CRPPA: variants seen among roughly 807,000 people sequenced by gnomAD.
CRPPA encodes the protein CDP-L-ribitol pyrophosphorylase A, also known as D-ribitol-5-phosphate cytidylyltransferase.
Under a neutral mutation model 52.0 loss-of-function variants are expected in CRPPA, and 43 were observed. The ratio of observed to expected loss-of-function variants is 0.83; its 90% CI spans 0.65 to 1.07. The LOEUF is 1.07. Among genes scored for constraint, CRPPA ranks in the 50% least tolerant of loss-of-function variants. The probability of loss-of-function intolerance (pLI) is 0.00; values close to 1 mark genes in which losing one functional copy is unlikely to be tolerated. For missense variants in CRPPA, 629 were observed against 551.7 expected (o/e 1.14, Z -1.40); for synonymous variants, 250 against 203.5 (o/e 1.23, Z -1.94).
At position 16,354,706 on chromosome 7, in the gene CRPPA, G is replaced by T. The variant is rs958168749; in HGVS notation, c.684+21386C>A. On this transcript the variant is annotated intron_variant, in intron 3 of 9. Coordinates refer to ENST00000407010, the MANE Select transcript of CRPPA (RefSeq NM_001101426.4). Reference sequence around the variant, plus strand: ...CCAAAGACAACTGTGGCTAAGAAAAGGGTGTGTTTCCAAGAAAGGAATTTA... The same window carrying T: ...CCAAAGACAACTGTGGCTAAGAAAATGGTGTGTTTCCAAGAAAGGAATTTA... Among the ~76,000 whole-genome samples, 11 of 152,156 alleles carry T rather than the reference G, an allele frequency of 7.2e-5. No individual in the cohort carries two copies. In the South Asian group the frequency reaches 2.3e-3, roughly 32 times the overall value.
chr7:16,398,110 C>G (rs1040809040), intron 2 of CRPPA, among the ~76,000 whole-genome samples: 2 of 151,686 alleles, frequency 1.3e-5, no homozygotes, highest in Non-Finnish European at 2.9e-5. Context: ...ACATGACTGA[C>G]AGGTGATTGA....
chr7:16,338,798 G>A (rs1247197891), intron 3 of CRPPA, among the ~76,000 whole-genome samples: 2 of 148,590 alleles, frequency 1.3e-5, no homozygotes, highest in Admixed American at 6.9e-5. Context: ...TGGGTTCATC[G>A]TGAATTCTAG....
chr7:16,352,373 C>T (rs531040956), intron 3 of CRPPA, among the ~76,000 whole-genome samples: 34 of 151,746 alleles, frequency 2.2e-4, no homozygotes, highest in Admixed American at 4.6e-4. Flanking sequence ...AACAAACCTG[C>T]ACATTCTGCA....
chr7:16,157,276 G>A (rs1783202464), intron 9 of CRPPA, among the ~76,000 whole-genome samples: 2 of 151,068 alleles, frequency 1.3e-5, no homozygotes, highest in South Asian at 4.2e-4. Context: ...AGGAAGATAA[G>A]CAACTGGAGT....
At chr7:16,231,464 A>G (rs1295616403) in intron 8 of CRPPA, among the ~76,000 whole-genome samples, 1 of 152,182 alleles carries the variant, frequency 6.6e-6, no homozygotes, top group Non-Finnish European at 1.5e-5. Flanking sequence ...AGCAGTGCTT[A>G]TATATTATGA....
At chr7:16,327,676 A>G (rs575799124) in intron 3 of CRPPA, among the ~76,000 whole-genome samples, 39 of 151,552 alleles carry the variant, frequency 2.6e-4, no homozygotes, top group African/African-American at 9.4e-4. Flanking sequence ...TGCTCTTCCC[A>G]GGGTAAGATA....
intron 8 of CRPPA, chr7:16,247,905 G>C (rs906827567): frequency 2.0e-5 from 3 of 151,942 alleles, no homozygotes; most frequent in African/African-American, 7.3e-5. Context: ...GAACAACAGA[G>C]AGCCAGACAA....
intron 8 of CRPPA, among the ~76,000 whole-genome samples, chr7:16,227,092 A>G (rs1400243788): frequency 1.3e-5 from 2 of 151,984 alleles, no homozygotes; most frequent in East Asian, 3.9e-4. Context: ...TTCATGGCCA[A>G]AGAGTATTTA....
chr7:16,419,630 T>C (rs1055982117), intron 1 of CRPPA, among the ~76,000 whole-genome samples: 1 of 152,114 alleles, frequency 6.6e-6, no homozygotes, highest in Non-Finnish European at 1.5e-5. Flanking sequence ...AGATATTTTA[T>C]AGACCCTTCA....
chr7:16,304,736 C>T (rs779260245), intron 4 of CRPPA, among the ~76,000 whole-genome samples: 7 of 152,172 alleles, frequency 4.6e-5, no homozygotes, highest in South Asian at 2.1e-4. Flanking sequence ...TCTAGTACTA[C>T]GTGCAGTCCT....
chr7:16,200,230 A>G (rs1458449580), intron 9 of CRPPA, among the ~76,000 whole-genome samples: 5 of 152,172 alleles, frequency 3.3e-5, no homozygotes, highest in Admixed American at 2.0e-4. Context: ...ATAAACTTCA[A>G]TCACCTCTCA....
chr7:16,382,876 T>G (rs1220907630), intron 2 of CRPPA, among the ~76,000 whole-genome samples: 2 of 152,308 alleles, frequency 1.3e-5, no homozygotes, highest in Non-Finnish European at 2.9e-5. Flanking sequence ...TATTGGTTAT[T>G]CTAGTTATAC....
rs554992614 is a variant in CRPPA, at chr7:16,369,942, G to A, written c.684+6150C>T. Among the ~76,000 whole-genome samples, 5 of 152,310 alleles carry A rather than the reference G, an allele frequency of 3.3e-5. No individual in the cohort carries two copies. The East Asian group carries it at 9.7e-4, about 29-fold the overall frequency. Reference sequence around the variant, plus strand: ...GCCTCCAATCATACATCCCCACTGGGGAATCTGAAAATCCAAACCACAGCA... The same window carrying A: ...GCCTCCAATCATACATCCCCACTGGAGAATCTGAAAATCCAAACCACAGCA... On this transcript the variant is annotated intron_variant, in intron 3 of 9. Coordinates refer to ENST00000407010, the MANE Select transcript of CRPPA (RefSeq NM_001101426.4).
At chr7:16,420,379 T>C (rs551295049) in intron 1 of CRPPA, among the ~76,000 whole-genome samples, 1 of 152,248 alleles carries the variant, frequency 6.6e-6, no homozygotes, top group South Asian at 2.1e-4. Context: ...GTTAATATTA[T>C]AACATACCCC....
chr7:16,289,959 T>C (rs1469364260), intron 5 of CRPPA, among the ~76,000 whole-genome samples: 1 of 152,142 alleles, frequency 6.6e-6, no homozygotes, highest in Non-Finnish European at 1.5e-5. Flanking sequence ...TTAGAATTGA[T>C]ATTTAGTAAG....
At chr7:16,119,663 C>T (rs1383971515) in intron 9 of CRPPA, among the ~76,000 whole-genome samples, 1 of 152,078 alleles carries the variant, frequency 6.6e-6, no homozygotes, top group East Asian at 1.9e-4. Flanking sequence ...CAGGTTTGCA[C>T]CAAAAGAAAC....
At chr7:16,194,912 C>T (rs951532061) in intron 9 of CRPPA, among the ~76,000 whole-genome samples, 2 of 150,532 alleles carry the variant, frequency 1.3e-5, no homozygotes, top group African/African-American at 4.9e-5. Flanking sequence ...GAGGTGGCTT[C>T]TTGGAATCAC....
chr7:16,209,551 C>A (rs759203387), intron 9 of CRPPA, among the ~76,000 whole-genome samples: 1 of 151,924 alleles, frequency 6.6e-6, no homozygotes, highest in Non-Finnish European at 1.5e-5. Flanking sequence ...GGATTGCAGG[C>A]GTGAGCCATG....
chr7:16,415,438 T>G (rs114601736), intron 1 of CRPPA, among the ~76,000 whole-genome samples: 2,031 of 152,334 alleles, frequency 0.013, 43 homozygotes, highest in African/African-American at 0.046. Context: ...TTAGCTGTGC[T>G]AATTCTCAGC....
Sources: gnomAD v4.1 joint callset for allele counts (sites outside exome capture counted in the v4.1 genomes callset) on GRCh38, gnomAD v4.1.1 for gene constraint, MANE v1.5 for transcripts, NCBI Gene and HGNC (gene_info 2026-07-23, HGNC 2026-07-21) for gene names.